The following KIFC2 variants were observed in gnomAD, a reference collection of about 807,000 sequenced individuals.
KIFC2 encodes kinesin family member C2.
A neutral mutation model predicts 91.5 loss-of-function variants in KIFC2; 94 were observed. The observed-to-expected ratio is 1.03, with a 90% CI of 0.87 to 1.22. The LOEUF (loss-of-function observed/expected upper bound fraction) is 1.22. Ranked by LOEUF, KIFC2 falls within the 50% of genes most tolerant of loss-of-function variation. The probability of loss-of-function intolerance (pLI) is 0.00; values close to 1 mark genes in which losing one functional copy is unlikely to be tolerated. For missense variants in KIFC2, 1,357 were observed against 1,103.3 expected, an observed-to-expected ratio of 1.23 and a Z score of -3.26; for synonymous variants, 729 against 503.9, an observed-to-expected ratio of 1.45 and a Z score of -5.98.
In KIFC2 at chr8:144,473,144, C is replaced by A; in HGVS notation, c.2131C>A (p.Pro711Thr). The A allele has an allele frequency of 6.4e-7, 1 of 1,564,100 alleles. No individual in the cohort carries two copies. The highest frequency in any genetic ancestry group is 8.7e-7 in the Non-Finnish European group (1 of 1,155,206). The change falls in exon 18 of 18, where the codon CCG (proline) becomes ACG (threonine). Residue 711 changes from proline (P) to threonine (T), a missense_variant. Transcript: ENST00000645548. ...CTCTTGCCCGCAGATCTCCACGCGGCCGGAGGATCTCGGGGAGACAGTCTG... is the reference window on the plus strand; with the variant it reads ...CTCTTGCCCGCAGATCTCCACGCGGACGGAGGATCTCGGGGAGACAGTCTG... ...AVLLLQISTRPEDLGETVCSL... is the reference protein window; with the variant it reads ...AVLLLQISTRTEDLGETVCSL...
At chr8:144,470,336 A>G (rs912631987) in intron 12 of KIFC2, among the ~76,000 whole-genome samples, 2 of 152,220 alleles carry the variant, frequency 1.3e-5, no homozygotes, top group Non-Finnish European at 2.9e-5. Flanking sequence ...CCCACACTGC[A>G]GCACTGCGCA....
intron 10 of KIFC2, among the ~76,000 whole-genome samples, 157 bp downstream of exon 10, chr8:144,468,991 T>C (rs980352132): frequency 6.6e-6 from 1 of 152,204 alleles, no homozygotes; most frequent in African/African-American, 2.4e-5. Flanking sequence ...CTTCTGGGCC[T>C]TATTTTAATT....
chr8:144,472,725 G>A lies in KIFC2; in HGVS notation c.1861+19G>A, dbSNP rs763625927. 3.8e-6 allele frequency: 6 copies of A among 1,592,072 alleles called. No homozygotes were observed. Among genetic ancestry groups the A allele is most frequent in the South Asian group, 1.1e-5 (1 of 90,618 alleles). ...ACCGCAGGTACCACGGCCGGTGCCT[G>A]AGCCCTGCGGAGTCTCCAGAGCACC... On this transcript the variant is annotated intron_variant, in intron 16 of 17. Transcript: ENST00000645548.
At position 144,467,042 on chromosome 8, in the gene KIFC2, C is replaced by G; in HGVS notation, c.262C>G (p.Leu88Val). Residue 88 changes from leucine to valine, a missense_variant, in exon 3 of 18, where the codon CTC becomes GTC. Coordinates refer to ENST00000645548, the MANE Select transcript of KIFC2 (RefSeq NM_001369769.2). ...AVSLEEALLR[L>V]AEFLSVQLGA... Reference sequence around the variant, plus strand: ...GTCCCTGGAAGAGGCCCTACTGCGCCTCGCCGAGTTCCTCTCCGTCCAGCT... The same window carrying G: ...GTCCCTGGAAGAGGCCCTACTGCGCGTCGCCGAGTTCCTCTCCGTCCAGCT... The G allele has an allele frequency of 6.3e-7, 1 of 1,594,044 alleles. No homozygotes were observed. The highest frequency in any genetic ancestry group is 2.3e-5 in the East Asian group (1 of 44,394).
At position 144,467,230 on chromosome 8, in the gene KIFC2, G is replaced by C. The variant is rs775755787; in HGVS notation, c.358G>C (p.Val120Leu). 3.7e-6 allele frequency: 6 copies of C among 1,613,720 alleles called. No homozygotes were observed. The highest frequency in any genetic ancestry group is 5.1e-6 in the Non-Finnish European group (6 of 1,180,026). ...TGGCGAGGTCCCCTCACTGTTGACA[G>C]TGACCAGTCAGCTCTTGGCCCTTCT... ...QSGEVPSLLT[V>L]TSQLLALLAW... The change falls in exon 4 of 18, where the codon GTG (valine) becomes CTG (leucine). Residue 120 changes from valine to leucine, a missense_variant. Transcript: ENST00000645548.
Position 144,472,990 on chromosome 8 carries a change from A to T in KIFC2, c.2057A>T (p.Gln686Leu). Residue 686 changes from glutamine to leucine, a missense_variant, in exon 17 of 18, where the codon CAG becomes CTG. Transcript: ENST00000645548. ...CCGCACGTGCCCTTCCGCGACTCGCAGCTCACGCGACTGCTGCAGCCGGCG... is the reference window on the plus strand; with the variant it reads ...CCGCACGTGCCCTTCCGCGACTCGCTGCTCACGCGACTGCTGCAGCCGGCG... ...HRPHVPFRDS[Q>L]LTRLLQPALG... is the part of the protein sequence containing the mutation. 6.9e-7 allele frequency: 1 copy of T among 1,446,152 alleles called. No homozygotes were observed. The highest frequency in any genetic ancestry group is 1.4e-5 in the South Asian group (1 of 72,082). The allele number at this position is 1,446,152 out of a possible 1,614,324, so 89.6% of individuals were successfully genotyped here.
rs533047250 is a variant in KIFC2 at position 144,466,953 on chromosome 8, C to G, written c.179-6C>G. On this transcript the variant is annotated splice_region_variant and splice_polypyrimidine_tract_variant and intron_variant, in intron 2 of 17. Transcript: ENST00000645548. ...AATGTCTCCCGCCCTCCTCCCTGACCGGCAGCCAGCTCCGAGCCTGAGGAT... is the reference window on the plus strand; with the variant it reads ...AATGTCTCCCGCCCTCCTCCCTGACGGGCAGCCAGCTCCGAGCCTGAGGAT... 26 of 1,590,086 alleles carry G rather than the reference C, an allele frequency of 1.6e-5. No homozygotes were observed. The highest frequency in any genetic ancestry group is 1.7e-4 in the Middle Eastern group (1 of 5,866).
At chr8:144,470,371 T>C (rs1020443059) in intron 12 of KIFC2, among the ~76,000 whole-genome samples, 11 of 152,268 alleles carry the variant, frequency 7.2e-5, no homozygotes, top group African/African-American at 2.2e-4. Flanking sequence ...CACCGTCCTC[T>C]GGACAGCCGT....
Position 144,471,908 on chromosome 8 carries a change from G to A in KIFC2, c.1381-34G>A, listed in dbSNP as rs567462962. 3.1e-6 allele frequency: 5 copies of A among 1,598,242 alleles called. No individual in the cohort carries two copies. In the Admixed American group the frequency reaches 6.7e-5, roughly 21 times the overall value. ...ATAGGGCATAAACAGGCAACGTGGG[G>A]AGGACTCAAAACACATTCTCCCGCC... On this transcript the variant is annotated intron_variant, in intron 12 of 17. Transcript: ENST00000645548.
Position 144,467,042 on chromosome 8 carries a change from C to A in KIFC2, c.262C>A (p.Leu88Ile). 6.3e-7 allele frequency: 1 copy of A among 1,594,044 alleles called. No homozygotes were observed. Among genetic ancestry groups the A allele is most frequent in the Non-Finnish European group, 8.5e-7 (1 of 1,171,536 alleles). Residue 88 changes from leucine (L) to isoleucine (I), a missense_variant, in exon 3 of 18, where the codon CTC becomes ATC. Physicochemically the swap from Leu to Ile is conservative, Grantham distance 5. Transcript: ENST00000645548. ...GTCCCTGGAAGAGGCCCTACTGCGC[C>A]TCGCCGAGTTCCTCTCCGTCCAGCT... ...AVSLEEALLR[L>I]AEFLSVQLGA... is the part of the protein sequence containing the mutation.
chr8:144,466,323 C>T, upstream of KIFC2: 1 of 325,066 alleles, frequency 3.1e-6, no homozygotes, highest in Non-Finnish European at 4.9e-6. Context: ...GCGGCCGTCG[C>T]GAGCATGCGC....
rs1455864820 is a variant in KIFC2, at chr8:144,469,620, C to T, written c.1353C>T (p.Val451=). 6.2e-7 allele frequency: 1 copy of T among 1,607,378 alleles called. No homozygotes were observed. The highest frequency in any genetic ancestry group is 1.3e-5 in the African/African-American group (1 of 74,864). ...GRHRRFRLDW[V]FPPDASQEEV... is the part of the protein sequence containing the mutation. Reference sequence around the variant, plus strand: ...ATCGTCGATTCCGCCTAGACTGGGTCTTCCCTCCAGACGCCAGCCAGGAGG... The same window carrying T: ...ATCGTCGATTCCGCCTAGACTGGGTTTTCCCTCCAGACGCCAGCCAGGAGG... Residue 451 remains valine, a synonymous_variant, in exon 12 of 18, where the codon GTC becomes GTT. Coordinates refer to ENST00000645548, the MANE Select transcript of KIFC2 (RefSeq NM_001369769.2).
chr8:144,467,280 G>T lies in KIFC2; in HGVS notation c.408G>T (p.Gly136=). 6.2e-7 allele frequency: 1 copy of T among 1,613,446 alleles called. No homozygotes were observed. Among genetic ancestry groups the T allele is most frequent in the Non-Finnish European group, 8.5e-7 (1 of 1,179,996 alleles). The change falls in exon 4 of 18, where the codon GGG becomes GGT. Residue 136 remains glycine (G), a synonymous_variant. Coordinates refer to ENST00000645548, the MANE Select transcript of KIFC2 (RefSeq NM_001369769.2). The stretch of plus-strand genomic sequence containing the variant: ...TGGCATGGCTTCGAAGCCCCAGGGG[G>T]AGGCAGGCCCTGCTCCAGGGGACTC... The part of the protein sequence containing the change: ...ALLAWLRSPR[G]RQALLQGTQP...
In KIFC2 at chr8:144,472,156, G is replaced by A. The variant is rs1358421971; in HGVS notation, c.1504G>A (p.Gly502Ser). 3 of 1,613,228 alleles carry A rather than the reference G, an allele frequency of 1.9e-6. No individual in the cohort carries two copies. Among genetic ancestry groups the A allele is most frequent in the South Asian group, 1.1e-5 (1 of 91,078 alleles). The change falls in exon 14 of 18, where the codon GGC becomes AGC. Residue 502 changes from glycine to serine, a missense_variant. By Grantham distance (56) the Gly-to-Ser change is moderately conservative. Transcript: ENST00000645548. ...YSMEGPPEDPGIVPRALQSLF... is the reference protein window; with the variant it reads ...YSMEGPPEDPSIVPRALQSLF... Reference sequence around the variant, plus strand: ...TCCTCAGGGCCCTCCTGAGGACCCCGGCATAGTTCCTAGGGCGCTGCAGTC... The same window carrying A: ...TCCTCAGGGCCCTCCTGAGGACCCCAGCATAGTTCCTAGGGCGCTGCAGTC...
In KIFC2 at chr8:144,472,820, G is replaced by A. The variant is rs781526431; in HGVS notation, c.1887G>A (p.Ala629=). ...TAGTLHLVDL[A]GSERARKAGA... is the part of the protein sequence containing the mutation. ...GCACGCTGCACCTGGTGGACCTGGCGGGATCCGAACGCGCACGGAAGGCAG... is the reference window on the plus strand; with the variant it reads ...GCACGCTGCACCTGGTGGACCTGGCAGGATCCGAACGCGCACGGAAGGCAG... The change falls in exon 17 of 18, where the codon GCG becomes GCA. Residue 629 remains alanine (A), a synonymous_variant. Transcript: ENST00000645548. 1 of 1,580,602 alleles carries A rather than the reference G, an allele frequency of 6.3e-7. No individual in the cohort carries two copies.
rs766902503 is a variant in KIFC2 at position 144,467,543 on chromosome 8, G to T, written c.528G>T (p.Leu176=). The T allele has an allele frequency of 6.2e-7, 1 of 1,604,172 alleles. No homozygotes were observed. Among genetic ancestry groups the T allele is most frequent in the Non-Finnish European group, 8.5e-7 (1 of 1,175,980 alleles). The change falls in exon 5 of 18, where the codon CTG becomes CTT. Residue 176 remains leucine (L), a synonymous_variant. Transcript: ENST00000645548. ...TCACCGCAGTCCCAGGCGAGCCACT[G>T]GGGGATGAGACCCAGGGACAGCAGC... ...SHFTAVPGEP[L]GDETQGQQPL... is the part of the protein sequence containing the mutation.
rs767849226 is a variant in KIFC2 at position 144,467,058 on chromosome 8, C to T, written c.278C>T (p.Ser93Phe). Residue 93 changes from serine to phenylalanine, a missense_variant, in exon 3 of 18, where the codon TCC becomes TTC. Physicochemically the swap from Ser to Phe is radical, Grantham distance 155 (BLOSUM62 -2). Transcript: ENST00000645548. ...EALLRLAEFL[S>F]VQLGAEESCG... ...CTACTGCGCCTCGCCGAGTTCCTCT[C>T]CGTCCAGCTGGGGGCGGAAGAGAGC... 6.3e-6 allele frequency: 10 copies of T among 1,595,326 alleles called. No homozygotes were observed. The African/African-American group carries it at 8.0e-5, about 13-fold the overall frequency.
chr8:144,467,451 C>T lies in KIFC2; in HGVS notation c.470-34C>T, dbSNP rs367676257. 6.5e-6 allele frequency: 10 copies of T among 1,540,480 alleles called. 1 individual carries two copies. Among genetic ancestry groups the T allele is most frequent in the South Asian group, 3.8e-5 (3 of 78,778 alleles). On this transcript the variant is annotated intron_variant, in intron 4 of 17. Transcript: ENST00000645548. ...GTTCCGGAAGATTTGGACTAGAGACCTCTTCAGTGCTAACTGGGCCCACCC... is the reference window on the plus strand; with the variant it reads ...GTTCCGGAAGATTTGGACTAGAGACTTCTTCAGTGCTAACTGGGCCCACCC...
intron 12 of KIFC2, among the ~76,000 whole-genome samples, chr8:144,469,930 A>AGGCGGTG (rs1415385848): frequency 2.0e-5 from 3 of 152,216 alleles, no homozygotes; most frequent in Non-Finnish European, 4.4e-5. Context: ...GCCCCAAGGC[A>AGGCGGTG]GGCGGTGGGT....
Sources: allele counts gnomAD v4.1 joint callset (sites outside exome capture counted in the v4.1 genomes callset), GRCh38; gene constraint gnomAD v4.1.1; transcripts MANE v1.5; gene names NCBI Gene and HGNC (gene_info 2026-07-23, HGNC 2026-07-21).